Variants in PCED1A observed in about 807,000 individuals in gnomAD.
PCED1A encodes PC-esterase domain-containing protein 1A.
A neutral mutation model predicts 41.9 loss-of-function variants in PCED1A; 20 were observed. The observed-to-expected ratio is 0.48, with a 90% CI of 0.34 to 0.69. The LOEUF (loss-of-function observed/expected upper bound fraction) is 0.69. Among genes scored for constraint, PCED1A ranks in the 30% least tolerant of loss-of-function variants. The pLI, the probability that PCED1A is intolerant of heterozygous loss-of-function variation, is 0.01. For missense variants in PCED1A, 498 were observed against 602.1 expected (o/e 0.83, Z 1.81); for synonymous variants, 236 against 241.3 (o/e 0.98, Z 0.20).
chr20:2,840,741 C>T (rs772337958), upstream of PCED1A: 72 of 1,547,352 alleles, frequency 4.7e-5, no homozygotes, highest in Non-Finnish European at 5.8e-5. Context: ...GTGGGTGTCC[C>T]CTCGGTGCTT....
At chr20:2,840,904 G>C (rs2088961950), upstream of PCED1A, 6 of 1,426,922 alleles carry the variant, frequency 4.2e-6, no homozygotes, top group Non-Finnish European at 4.7e-6. Context: ...GGCGGCGTTC[G>C]CCCCTGTCAC....
chr20:2,840,157 C>T (rs1007656830), intron 1 of PCED1A, 54 bp downstream of exon 1: 1 of 388,652 alleles, frequency 2.6e-6, no homozygotes, highest in Non-Finnish European at 4.5e-6. Flanking sequence ...CCCTGCGCCT[C>T]GCCACGTGCC....
Position 2,839,874 on chromosome 20 carries a change from CG to C in PCED1A, c.38del (p.Pro13ArgfsTer53). 6.2e-7 allele frequency: 1 copy of C among 1,613,998 alleles called. No homozygotes were observed. The highest frequency in any genetic ancestry group is 8.5e-7 in the Non-Finnish European group (1 of 1,180,000). On this transcript the variant is annotated frameshift_variant, in exon 2 of 8. Transcript: ENST00000360652. LOFTEE classifies it high-confidence loss of function. ...FCLSSEEPRR[P>X]LRSDMVHFQA... ...GGAAGTGGACCATGTCGCTTCGCAG[CG>C]GGCGGCGCGGCTCCTCGCTCGACAG...
In PCED1A at chr20:2,835,481, G is replaced by T. The variant is rs755935826; in HGVS notation, c.1346C>A (p.Ser449Ter). ...YKLDRRPPAH[S>*]GTWPG The stretch of plus-strand genomic sequence containing the variant: ...TCCAGTCTACCCAGGCCATGTCCCC[G>T]AATGGGCAGGAGGCCGTCTGTCCAG... Residue 449 changes from serine (S) to a stop codon, truncating the protein, a stop_gained, in exon 8 of 8, where the codon TCG becomes TAG. Transcript: ENST00000360652. LOFTEE classifies it high-confidence loss of function. 1.0e-4 allele frequency: 168 copies of T among 1,611,074 alleles called. No individual in the cohort carries two copies. Among genetic ancestry groups the T allele is most frequent in the Non-Finnish European group, 1.3e-4 (156 of 1,177,772 alleles).
Position 2,836,297 on chromosome 20 carries a change from A to G in PCED1A, c.859T>C (p.Trp287Arg). The change falls in exon 7 of 8, where the codon TGG becomes CGG. Residue 287 changes from tryptophan to arginine, a missense_variant. Physicochemically the swap from Trp to Arg is moderately radical, Grantham distance 101. Around this residue, in one of 2 missense-constraint regions of PCED1A, gnomAD observed 245 missense variants for 232.4 expected, o/e 1.05. Transcript: ENST00000360652. ...GYPPDPWIEDWAEMNHPFQGS... is the reference protein window; with the variant it reads ...GYPPDPWIEDRAEMNHPFQGS... ...TGGAATGGATGATTCATCTCTGCCC[A>G]GTCCTCAATCCACGGGTCTAGGAAT... 6.2e-7 allele frequency: 1 copy of G among 1,614,108 alleles called. No individual in the cohort carries two copies. The highest frequency in any genetic ancestry group is 8.5e-7 in the Non-Finnish European group (1 of 1,180,008).
rs1280300925 is a variant in PCED1A at position 2,835,384 on chromosome 20, C to T, written c.*78G>A. On this transcript the variant is annotated 3_prime_UTR_variant, in exon 8 of 8. Coordinates refer to ENST00000360652, the MANE Select transcript of PCED1A (RefSeq NM_022760.6). ...CAAGAACAATACCAGGCATAGCAGA[C>T]ACCCTAGCCCAGTACCTGAGGTGCC... The T allele has an allele frequency of 1.3e-6, 2 of 1,490,156 alleles. No homozygotes were observed. The highest frequency in any genetic ancestry group is 2.4e-5 in the East Asian group (1 of 42,466). The allele number at this position is 1,490,156 out of a possible 1,614,324, so 92.3% of individuals were successfully genotyped here.
At chr20:2,836,427 C>G in intron 6 of PCED1A, 113 bp from the exon 7 acceptor site, 1 of 932,126 alleles carries the variant, frequency 1.1e-6, no homozygotes. Context: ...AGCCACCAGG[C>G]TGGAGCATCC....
At chr20:2,839,999 C>T (rs372388641) in intron 1 of PCED1A, 66 bp from the exon 2 acceptor site, 2 of 1,485,674 alleles carry the variant, frequency 1.3e-6, no homozygotes, top group Non-Finnish European at 1.8e-6. Flanking sequence ...TCAGGGCTAG[C>T]CCCTCCGGGG....
rs191254030 is a variant in PCED1A, at chr20:2,835,480, C to T, written c.1347G>A (p.Ser449=). 5 of 1,610,954 alleles carry T rather than the reference C, an allele frequency of 3.1e-6. No homozygotes were observed. The highest frequency in any genetic ancestry group is 1.3e-5 in the African/African-American group (1 of 75,020). Residue 449 remains serine, a synonymous_variant, in exon 8 of 8, where the codon TCG becomes TCA. Coordinates refer to ENST00000360652, the MANE Select transcript of PCED1A (RefSeq NM_022760.6). ...YKLDRRPPAH[S]GTWPG ...ATCCAGTCTACCCAGGCCATGTCCC[C>T]GAATGGGCAGGAGGCCGTCTGTCCA...
chr20:2,836,394 T>G, intron 6 of PCED1A, 80 bp from the exon 7 acceptor site: 22 of 1,246,258 alleles, frequency 1.8e-5, no homozygotes, highest in Non-Finnish European at 2.0e-5. Flanking sequence ...TCTAAAGCTC[T>G]ATTCCTTCCT....
At chr20:2,840,031 AGGTGACGGCAGCAGAGCCAT>A in intron 1 of PCED1A, 98 bp from the exon 2 acceptor site, 1 of 1,260,958 alleles carries the variant, frequency 7.9e-7, no homozygotes, top group East Asian at 2.6e-5. Context: ...TAAAGGGAGG[AGGTGACGGCAGCAGAGCCAT>A]GGTGGCGCCA....
rs2088870701 is a variant in PCED1A, at chr20:2,838,256, G to A, written c.817C>T (p.Leu273=). 2 of 1,614,226 alleles carry A rather than the reference G, an allele frequency of 1.2e-6. No individual in the cohort carries two copies. Among genetic ancestry groups the A allele is most frequent in the Middle Eastern group, 1.7e-4 (1 of 6,054 alleles). Residue 273 remains leucine (L), a synonymous_variant, in exon 6 of 8, where the codon CTG becomes TTG. Coordinates refer to ENST00000360652, the MANE Select transcript of PCED1A (RefSeq NM_022760.6). This position sits in a 1 kb window ranked among gnomAD's most constrained non-coding sequence, Gnocchi z 5.8. ...CCAGGGGGATAGCCACGCTTGGGCA[G>A]CTCCACGCCCCAGGCGTCAGCCACA... The part of the protein sequence containing the change: ...THVADAWGVE[L]PKRGYPPDPW...
At chr20:2,836,460 C>T in intron 6 of PCED1A, 146 bp from the exon 7 acceptor site, 1 of 709,174 alleles carries the variant, frequency 1.4e-6, no homozygotes, top group Non-Finnish European at 2.4e-6. Flanking sequence ...CAGTTTTCCT[C>T]ATTCCCTCTC....
upstream of PCED1A, chr20:2,840,728 T>C (rs770564378): frequency 1.2e-5 from 18 of 1,540,772 alleles, no homozygotes; most frequent in East Asian, 2.5e-5. Flanking sequence ...GAGCCCGCTC[T>C]AGGTGGGTGT....
rs750290772 is a variant in PCED1A, at chr20:2,839,770, C to A, written c.124+19G>T. On this transcript the variant is annotated intron_variant, in intron 2 of 7. Coordinates refer to ENST00000360652, the MANE Select transcript of PCED1A (RefSeq NM_022760.6). ...GCAAGGTGTGGGACTGGAAGCGTCA[C>A]CCTAGAAGAGGCACTCACTGGAGTC... 4 of 1,613,382 alleles carry A rather than the reference C, an allele frequency of 2.5e-6. No individual in the cohort carries two copies. The highest frequency in any genetic ancestry group is 3.4e-6 in the Non-Finnish European group (4 of 1,179,654).
intron 7 of PCED1A, 128 bp from the exon 8 acceptor site, chr20:2,835,837 C>A: frequency 6.8e-7 from 1 of 1,473,922 alleles, no homozygotes; most frequent in Non-Finnish European, 9.0e-7. Context: ...GATAGTCCTT[C>A]CCCTACCTTC....
intron 2 of PCED1A, 48 bp downstream of exon 2, chr20:2,839,741 G>T (rs774893900): frequency 6.2e-7 from 1 of 1,605,728 alleles, no homozygotes; most frequent in East Asian, 2.2e-5. Flanking sequence ...ACACTGAACG[G>T]GCTGCAAGGT....
chr20:2,839,946 G>C lies in PCED1A; in HGVS notation c.-21-13C>G. On this transcript the variant is annotated splice_polypyrimidine_tract_variant and intron_variant, in intron 1 of 7. Transcript: ENST00000360652. ...CAGCAACGACAGGCTGCAGGGAGAGGCCACTAAGCAGCGCGATGGTGGGGA... is the reference window on the plus strand; with the variant it reads ...CAGCAACGACAGGCTGCAGGGAGAGCCCACTAAGCAGCGCGATGGTGGGGA... The C allele has an allele frequency of 6.2e-7, 1 of 1,601,598 alleles. No homozygotes were observed. Among genetic ancestry groups the C allele is most frequent in the South Asian group, 1.1e-5 (1 of 90,252 alleles).
chr20:2,835,496 C>A lies in PCED1A; in HGVS notation c.1331G>T (p.Arg444Leu). 2 of 1,613,376 alleles carry A rather than the reference C, an allele frequency of 1.2e-6. No individual in the cohort carries two copies. Among genetic ancestry groups the A allele is most frequent in the Admixed American group, 1.7e-5 (1 of 59,984 alleles). Residue 444 changes from arginine to leucine, a missense_variant, in exon 8 of 8, where the codon CGG becomes CTG. Physicochemically the swap from Arg to Leu is moderately radical, Grantham distance 102. Around this residue, in one of 2 missense-constraint regions of PCED1A, gnomAD observed 245 missense variants for 232.4 expected, o/e 1.05. Coordinates refer to ENST00000360652, the MANE Select transcript of PCED1A (RefSeq NM_022760.6). ...RLIHTYKLDR[R>L]PPAHSGTWPG ...CCATGTCCCCGAATGGGCAGGAGGC[C>A]GTCTGTCCAGTTTGTATGTGTGGAT... is the stretch of plus-strand genomic sequence containing the variant.
Sources: gnomAD v4.1 joint callset for allele counts on GRCh38, gnomAD v4.1.1 for gene constraint, gnomAD v4.1.1 regional missense constraint, Gnocchi (gnomAD v3.1) non-coding constraint, MANE v1.5 for transcripts, NCBI Gene and HGNC (gene_info 2026-07-23, HGNC 2026-07-21) for gene names.